PEAK1: variants seen among roughly 807,000 people sequenced by gnomAD.
PEAK1 encodes the protein pseudopodium enriched atypical kinase 1, also known as inactive tyrosine-protein kinase PEAK1.
A neutral mutation model predicts 124.7 loss-of-function variants in PEAK1; 54 were observed. That is an observed-to-expected ratio of 0.43 (90% confidence interval 0.35 to 0.54). PEAK1 has a LOEUF of 0.54. PEAK1 is among the 20% of genes least tolerant of loss of function. PEAK1 has a pLI of 0.01. For missense variants in PEAK1, 2,046 were observed against 2,134.5 expected, an observed-to-expected ratio of 0.96 and a Z score of 0.82; for synonymous variants, 719 against 760.0, an observed-to-expected ratio of 0.95 and a Z score of 0.89.
chr15:77,224,313 G>C (rs1019212391), intron 6 of PEAK1, among the ~76,000 whole-genome samples: 1 of 151,940 alleles, frequency 6.6e-6, no homozygotes, highest in African/African-American at 2.4e-5. Flanking sequence ...CTATCATAAT[G>C]CAGGAAAAGG....
intron 5 of PEAK1, among the ~76,000 whole-genome samples, chr15:77,256,347 C>T (rs568545710): frequency 6.6e-6 from 1 of 151,662 alleles, no homozygotes; most frequent in Non-Finnish European, 1.5e-5. Context: ...GCCCTACAGG[C>T]TAAAATTGGT....
chr15:77,303,597 T>C (rs927346098), intron 2 of PEAK1, among the ~76,000 whole-genome samples: 1 of 152,266 alleles, frequency 6.6e-6, no homozygotes, highest in African/African-American at 2.4e-5. Flanking sequence ...TAAATTGGGT[T>C]ATTTTCTCAT....
chr15:77,232,820 A>G (rs968166966), intron 6 of PEAK1, among the ~76,000 whole-genome samples: 1 of 152,042 alleles, frequency 6.6e-6, no homozygotes, highest in Non-Finnish European at 1.5e-5. Flanking sequence ...ATCTCTATTC[A>G]CTGCAACCTC....
chr15:77,201,950 C>G (rs2058383746), intron 6 of PEAK1, among the ~76,000 whole-genome samples: 1 of 152,182 alleles, frequency 6.6e-6, no homozygotes, highest in African/African-American at 2.4e-5. Context: ...TTAGATCACA[C>G]TGGCTCCCTT....
intron 2 of PEAK1, chr15:77,338,173 C>T (rs2066313184): frequency 1.1e-6 from 1 of 906,620 alleles, no homozygotes; most frequent in Middle Eastern, 5.7e-4. Context: ...ATGGGAGTAG[C>T]CTTCTCTAAA....
At chr15:77,117,414 A>G (rs2051488519) in intron 9 of PEAK1, among the ~76,000 whole-genome samples, 1 of 152,252 alleles carries the variant, frequency 6.6e-6, no homozygotes, top group Non-Finnish European at 1.5e-5. Flanking sequence ...TCAAGTATAT[A>G]GCGTACATCT....
chr15:77,419,249 G>C (rs1260323162), intron 1 of PEAK1: 1 of 985,252 alleles, frequency 1.0e-6, no homozygotes, highest in African/African-American at 1.7e-5. Context: ...CTTTAACGTA[G>C]CCAAAGGAGG....
chr15:77,351,758 A>G (rs894543893), intron 2 of PEAK1: 1 of 985,334 alleles, frequency 1.0e-6, no homozygotes, highest in African/African-American at 1.7e-5. Flanking sequence ...GTTCTCCAAC[A>G]GGCCATGTTA....
intron 2 of PEAK1, among the ~76,000 whole-genome samples, chr15:77,303,005 T>C (rs1267679361): frequency 1.3e-5 from 2 of 152,206 alleles, no homozygotes; most frequent in African/African-American, 2.4e-5. Flanking sequence ...CAGAATGTCA[T>C]ATAACTGGAC....
intron 2 of PEAK1, chr15:77,336,486 C>T (rs1453555140): frequency 9.1e-6 from 9 of 985,360 alleles, no homozygotes; most frequent in Non-Finnish European, 1.1e-5. Flanking sequence ...GTTTGCTAAT[C>T]ATGTCTATAA....
chr15:77,418,033 C>T (rs2142202612), intron 1 of PEAK1: 1 of 980,980 alleles, frequency 1.0e-6, no homozygotes, highest in Admixed American at 6.1e-5. Context: ...TGATTGTCGG[C>T]AAACAGTTAT....
rs369271401 is a variant in PEAK1, at chr15:77,311,605, G to A, written c.-602-25101C>T. Among the ~76,000 whole-genome samples the A allele has an allele frequency of 2.3e-4, 34 of 149,952 alleles. No individual in the cohort carries two copies. In the East Asian group the frequency reaches 4.1e-3, roughly 18 times the overall value. Reference sequence around the variant, plus strand: ...GGAGAATTGCTTGAACCCAAGAAGCGGAGGTTGCAGCAAGCCAAGATTGCA... The same window carrying A: ...GGAGAATTGCTTGAACCCAAGAAGCAGAGGTTGCAGCAAGCCAAGATTGCA... On this transcript the variant is annotated intron_variant, in intron 2 of 9. Transcript: ENST00000682557.
chr15:77,251,892 T>A (rs2060900071), intron 6 of PEAK1, among the ~76,000 whole-genome samples: 1 of 152,236 alleles, frequency 6.6e-6, no homozygotes, highest in Non-Finnish European at 1.5e-5. Flanking sequence ...TAAATATGAC[T>A]GCAAAACTGT....
chr15:77,315,846 C>G (rs938304445), intron 2 of PEAK1, among the ~76,000 whole-genome samples: 1 of 151,702 alleles, frequency 6.6e-6, no homozygotes, highest in African/African-American at 2.4e-5. Flanking sequence ...AATAAGAAGA[C>G]CTGAAAACTA....
Position 77,401,877 on chromosome 15 carries a change from A to G in PEAK1, c.-666+18129T>C, listed in dbSNP as rs1407523242. 5.1e-6 allele frequency: 5 copies of G among 985,238 alleles called. No individual in the cohort carries two copies. The African/African-American group carries it at 8.7e-5, about 17-fold the overall frequency. 61.0% of individuals were successfully genotyped at this position (985,238 alleles called of 1,614,324 possible). A position where few individuals can be genotyped will look rare whatever the true frequency, so the allele number is the denominator to read the frequency against. ...TATATTTTCTATGCTAAGAATGGGC[A>G]GAAGCAAGATACAGAAGTAGCAAGA... On this transcript the variant is annotated intron_variant, in intron 1 of 9. Transcript: ENST00000682557.
chr15:77,304,442 A>ATTTTTTTTTTT (rs71145812), intron 2 of PEAK1, among the ~76,000 whole-genome samples: 1 of 86,490 alleles, frequency 1.2e-5, no homozygotes, highest in Non-Finnish European at 2.1e-5. Flanking sequence ...TCCTGTATAC[A>ATTTTTTTTTTT]TTTTTTTTTT....
At chr15:77,196,233 T>C (rs545398580) in intron 6 of PEAK1, among the ~76,000 whole-genome samples, 108 of 152,322 alleles carry the variant, frequency 7.1e-4, no homozygotes, top group African/African-American at 2.4e-3. Context: ...AGGAATAAAA[T>C]AGTGCAAATG....
chr15:77,238,232 C>T (rs146056623), intron 6 of PEAK1, among the ~76,000 whole-genome samples: 193 of 152,100 alleles, frequency 1.3e-3, no homozygotes, highest in African/African-American at 4.6e-3. Context: ...AATTATTTTC[C>T]CAAAGAATTT....
intron 2 of PEAK1, chr15:77,334,915 C>A (rs1313427499): frequency 1.0e-6 from 1 of 985,360 alleles, no homozygotes; most frequent in Non-Finnish European, 1.2e-6. Flanking sequence ...TATCCAGCTT[C>A]CCCAGGTTTA....
Sources: allele counts gnomAD v4.1 joint callset (sites outside exome capture counted in the v4.1 genomes callset), GRCh38; gene constraint gnomAD v4.1.1; transcripts MANE v1.5; gene names NCBI Gene and HGNC (gene_info 2026-07-23, HGNC 2026-07-21).